AUTS2: variants seen among roughly 807,000 people sequenced by gnomAD.
AUTS2 encodes the protein activator of transcription and developmental regulator AUTS2.
In AUTS2, 17 loss-of-function variants were observed where a neutral mutation model predicts 112.4. The observed-to-expected ratio is 0.15, with a 90% confidence interval of 0.10 to 0.23. The LOEUF is 0.23. AUTS2 is among the 10% of genes least tolerant of loss of function. The pLI is 1.00. For synonymous variants in AUTS2, 751 were observed against 702.7 expected (o/e 1.07, Z -1.09); for missense variants, 1,510 against 1,701.6 (o/e 0.89, Z 1.98).
At chr7:70,488,214 G>A (rs539510278) in intron 5 of AUTS2, among the ~76,000 whole-genome samples, 98 of 152,306 alleles carry the variant, frequency 6.4e-4, no homozygotes, top group African/African-American at 2.3e-3. Context: ...CCTCGTGCCC[G>A]GCGCTCTAAG....
intron 6 of AUTS2, among the ~76,000 whole-genome samples, chr7:70,706,514 A>G (rs1243672074): frequency 6.6e-6 from 1 of 152,212 alleles, no homozygotes; most frequent in Non-Finnish European, 1.5e-5. Context: ...CCACAGGCCC[A>G]TCCCAGAAAC....
At chr7:69,929,139 A>G (rs1186327261) in intron 2 of AUTS2, among the ~76,000 whole-genome samples, 1 of 152,158 alleles carries the variant, frequency 6.6e-6, no homozygotes, top group Non-Finnish European at 1.5e-5. Flanking sequence ...TTTTCTGGGA[A>G]TATAATTTTA....
At chr7:70,120,351 A>C (rs1173851681) in intron 3 of AUTS2, 1 of 151,750 alleles carries the variant, frequency 6.6e-6, no homozygotes, top group Non-Finnish European at 1.5e-5. Context: ...AAGTTATATA[A>C]ATAAAGAGTA....
intron 1 of AUTS2, among the ~76,000 whole-genome samples, chr7:69,713,611 C>T (rs1798441849): frequency 6.6e-6 from 1 of 151,970 alleles, no homozygotes; most frequent in Non-Finnish European, 1.5e-5. Flanking sequence ...CAGGTATGTG[C>T]CACCATGCCT....
chr7:70,383,437 C>G (rs1449420143), intron 4 of AUTS2, among the ~76,000 whole-genome samples: 1 of 152,156 alleles, frequency 6.6e-6, no homozygotes, highest in Non-Finnish European at 1.5e-5. Context: ...CAGCCTTATG[C>G]CCCCATTGCC....
intron 5 of AUTS2, among the ~76,000 whole-genome samples, chr7:70,534,518 C>T (rs1474043387): frequency 1.4e-4 from 21 of 152,114 alleles, no homozygotes; most frequent in Admixed American, 1.3e-3. Context: ...CCTCCGCCTC[C>T]CAGGTTCAAG....
At chr7:70,039,691 T>G (rs994131074) in intron 2 of AUTS2, among the ~76,000 whole-genome samples, 1 of 152,172 alleles carries the variant, frequency 6.6e-6, no homozygotes, top group South Asian at 2.1e-4. Flanking sequence ...AGTAAAATTA[T>G]TTAACGAGAT....
intron 2 of AUTS2, among the ~76,000 whole-genome samples, chr7:70,017,782 G>GT (rs1269977863): frequency 7.3e-5 from 11 of 150,548 alleles, no homozygotes; most frequent in Non-Finnish European, 1.5e-4. Context: ...TATTGTGATA[G>GT]TTTTTTCTTT....
intron 1 of AUTS2, among the ~76,000 whole-genome samples, chr7:69,777,290 G>A (rs549309009): frequency 1.4e-4 from 21 of 152,150 alleles, no homozygotes; most frequent in Admixed American, 2.0e-4. Context: ...GAACAGTCAC[G>A]TTATTTCTAG....
chr7:69,779,039 CT>C (rs71529992), intron 1 of AUTS2, among the ~76,000 whole-genome samples: 3,120 of 103,208 alleles, frequency 0.03, 59 homozygotes, highest in African/African-American at 0.059. Flanking sequence ...AGTTGTGAGC[CT>C]TTTTTTTTTT....
intron 6 of AUTS2, among the ~76,000 whole-genome samples, chr7:70,710,581 C>T (rs1332011716): frequency 2.6e-5 from 4 of 152,158 alleles, no homozygotes; most frequent in African/African-American, 4.8e-5. Context: ...GTTTGTAATT[C>T]GATGCGCAGT....
At chr7:69,800,821 A>G (rs112465859) in intron 1 of AUTS2, among the ~76,000 whole-genome samples, 4 of 152,086 alleles carry the variant, frequency 2.6e-5, no homozygotes, top group African/African-American at 9.7e-5. Context: ...ACTGTTCCTG[A>G]AGAGGGCTGT....
intron 4 of AUTS2, among the ~76,000 whole-genome samples, chr7:70,353,280 C>T (rs1009542182): frequency 6.6e-6 from 1 of 152,154 alleles, no homozygotes; most frequent in African/African-American, 2.4e-5. Context: ...TTTGTTATAT[C>T]TCTTTTTTCA....
At chr7:70,384,841 G>T (rs1276476595) in intron 4 of AUTS2, among the ~76,000 whole-genome samples, 1 of 152,206 alleles carries the variant, frequency 6.6e-6, no homozygotes, top group African/African-American at 2.4e-5. Flanking sequence ...CTGGCCTCCA[G>T]TAGGAGAATG....
At chr7:70,648,042 C>T (rs1806269706) in intron 5 of AUTS2, among the ~76,000 whole-genome samples, 2 of 152,180 alleles carry the variant, frequency 1.3e-5, no homozygotes, top group Admixed American at 6.5e-5. Context: ...ATTGCTTAGC[C>T]TTGGGCAGGT....
At chr7:69,683,282 C>T (rs891978854) in intron 1 of AUTS2, among the ~76,000 whole-genome samples, 3 of 152,136 alleles carry the variant, frequency 2.0e-5, no homozygotes, top group South Asian at 2.1e-4. Context: ...CCTGGCTGGT[C>T]GCCATGATGT....
intron 5 of AUTS2, among the ~76,000 whole-genome samples, chr7:70,544,278 A>G (rs1054018030): frequency 1.3e-5 from 2 of 152,186 alleles, no homozygotes; most frequent in African/African-American, 4.8e-5. Context: ...CAAATTATGT[A>G]TGTCTTTTCT....
rs1312996521 is a variant in AUTS2, at chr7:70,781,689, C to G, written c.2079C>G (p.Pro693=). 1 of 1,614,220 alleles carries G rather than the reference C, an allele frequency of 6.2e-7. No individual in the cohort carries two copies. Among genetic ancestry groups the G allele is most frequent in the South Asian group, 1.1e-5 (1 of 91,088 alleles). The change falls in exon 15 of 19, where the codon CCC becomes CCG. Residue 693 remains proline (P), a synonymous_variant. Transcript: ENST00000342771. ...AGTTCCTGAGCCGCCCTCCAGGCCC[C>G]AGTCTTTTTGGAGCCATCCACCACC... The part of the protein sequence containing the change: ...KPEFLSRPPG[P]SLFGAIHHPH...
At chr7:69,988,385 G>A (rs564645491) in intron 2 of AUTS2, among the ~76,000 whole-genome samples, 4 of 152,076 alleles carry the variant, frequency 2.6e-5, no homozygotes, top group Non-Finnish European at 5.9e-5. Flanking sequence ...TTTTTTTCTG[G>A]CCTCTCAGTA....
Sources: allele counts gnomAD v4.1 joint callset (sites outside exome capture counted in the v4.1 genomes callset), GRCh38; gene constraint gnomAD v4.1.1; transcripts MANE v1.5; gene names NCBI Gene and HGNC (gene_info 2026-07-23, HGNC 2026-07-21).